TMEM234: variants seen among roughly 807,000 people sequenced by gnomAD.
TMEM234 encodes the protein transmembrane protein 234.
Under a neutral mutation model 17.8 loss-of-function variants are expected in TMEM234, and 21 were observed. The observed-to-expected ratio is 1.18, with a 90% confidence interval of 0.84 to 1.70. TMEM234 has a LOEUF of 1.70. Among genes scored for constraint, TMEM234 ranks in the 40% most tolerant of loss-of-function variants. The pLI, the probability that TMEM234 is intolerant of heterozygous loss-of-function variation, is 0.00. For synonymous variants in TMEM234, 83 were observed against 73.5 expected (o/e 1.13, Z -0.66); for missense variants, 137 against 166.9 (o/e 0.82, Z 0.99).
chr1:32,220,308 C>G (rs890199284), intron 3 of TMEM234, among the ~76,000 whole-genome samples: 1 of 152,202 alleles, frequency 6.6e-6, no homozygotes, highest in Admixed American at 6.5e-5. Flanking sequence ...TCCCAAGTAG[C>G]TGGGACTACA....
chr1:32,221,067 C>A, intron 3 of TMEM234, 64 bp downstream of exon 3: 3 of 1,401,976 alleles, frequency 2.1e-6, no homozygotes, highest in Non-Finnish European at 2.0e-6. Flanking sequence ...CCACCCCGCC[C>A]CCCCCAATCA....
chr1:32,218,208 T>C (rs1264064945), intron 3 of TMEM234, among the ~76,000 whole-genome samples: 1 of 152,172 alleles, frequency 6.6e-6, no homozygotes, highest in African/African-American at 2.4e-5. Context: ...GCGGATCACC[T>C]GAGGTCAGGA....
chr1:32,220,389 C>T (rs1638788334), intron 3 of TMEM234, among the ~76,000 whole-genome samples: 1 of 152,174 alleles, frequency 6.6e-6, no homozygotes. Context: ...GTTGGCCAGA[C>T]TGGTCTCGAA....
intron 2 of TMEM234, among the ~76,000 whole-genome samples, chr1:32,221,649 G>C (rs914075577): frequency 6.6e-6 from 1 of 152,208 alleles, no homozygotes; most frequent in African/African-American, 2.4e-5. Context: ...CTAATGCTAA[G>C]TGCTCTACGT....
At chr1:32,214,865 T>A, downstream of TMEM234, 1 of 1,613,920 alleles carries the variant, frequency 6.2e-7, no homozygotes, top group Non-Finnish European at 8.5e-7. Flanking sequence ...AGCCATCTGC[T>A]TTCTATGCCA....
At position 32,217,613 on chromosome 1, in the gene TMEM234, A is replaced by G. The variant is rs1638522563; in HGVS notation, c.236-262T>C. 4.2e-6 allele frequency: 3 copies of G among 713,296 alleles called. No individual in the cohort carries two copies. In the East Asian group the frequency reaches 9.5e-5, roughly 22 times the overall value. The allele number at this position is 713,296 out of a possible 1,614,324, so 44.2% of individuals were successfully genotyped here. On this transcript the variant is annotated intron_variant, in intron 3 of 4. Coordinates refer to ENST00000309777, the MANE Select transcript of TMEM234 (RefSeq NM_019118.5). ...AATGAGAATGAGGTCTTTGCACTCA[A>G]AGAGAACTCGTGAGATCTCAAGGAC...
At chr1:32,216,147 A>G, downstream of TMEM234, 1 of 703,960 alleles carries the variant, frequency 1.4e-6, no homozygotes, top group Non-Finnish European at 2.3e-6. Flanking sequence ...GGAGTAGCTG[A>G]CTAAGCCTGG....
In TMEM234 at chr1:32,216,381, C is replaced by T; in HGVS notation, c.*472G>A. ...ATTTCCTGCATCTGCCACTCCGACG[C>T]ACCTTCTTCCCTCGGTTCCACCCCT... On this transcript the variant is annotated 3_prime_UTR_variant, in exon 5 of 5. Transcript: ENST00000309777. The T allele has an allele frequency of 1.3e-6, 2 of 1,551,062 alleles. No individual in the cohort carries two copies. Among genetic ancestry groups the T allele is most frequent in the South Asian group, 1.2e-5 (1 of 84,060 alleles).
downstream of TMEM234, chr1:32,215,552 T>C (rs750679988): frequency 1.9e-6 from 3 of 1,611,540 alleles, no homozygotes; most frequent in South Asian, 3.3e-5. Context: ...AGGTAAGCTG[T>C]TGGATCAGGA....
chr1:32,220,139 A>G (rs1177208420), intron 3 of TMEM234, among the ~76,000 whole-genome samples: 1 of 152,230 alleles, frequency 6.6e-6, no homozygotes, highest in Non-Finnish European at 1.5e-5. Context: ...GCATGAGGCC[A>G]GAGGTTTTCA....
At position 32,216,846 on chromosome 1, in the gene TMEM234, G is replaced by A. The variant is rs775996267; in HGVS notation, c.*7C>T. On this transcript the variant is annotated 3_prime_UTR_variant, in exon 5 of 5. Coordinates refer to ENST00000309777, the MANE Select transcript of TMEM234 (RefSeq NM_019118.5). ...AGGCAGCAGAGCTGGAAGTGGGTTC[G>A]GCCCACTCAAAGGGTAGACTGTTGC... The A allele has an allele frequency of 6.8e-6, 11 of 1,614,000 alleles. No individual in the cohort carries two copies. The highest frequency in any genetic ancestry group is 1.7e-4 in the Middle Eastern group (1 of 6,010).
At chr1:32,221,310 A>C in intron 2 of TMEM234, 113 bp from the exon 3 acceptor site, 1 of 781,966 alleles carries the variant, frequency 1.3e-6, no homozygotes, top group Non-Finnish European at 2.2e-6. Context: ...ATAAGGACCC[A>C]GAGAACACTA....
rs774843069 is a variant in TMEM234 at position 32,221,944 on chromosome 1, C to T, written c.91G>A (p.Gly31Ser). The change falls in exon 2 of 5, where the codon GGC becomes AGC. Residue 31 changes from glycine (G) to serine (S), a missense_variant. Coordinates refer to ENST00000309777, the MANE Select transcript of TMEM234 (RefSeq NM_019118.5). ...GTCGGCTCATGAACCCGCTGCAGGCCGGCGGAGGCCCGCTTCAGCAGCGGC... is the reference window on the plus strand; with the variant it reads ...GTCGGCTCATGAACCCGCTGCAGGCTGGCGGAGGCCCGCTTCAGCAGCGGC... ...TQPLLKRASA[G>S]LQRVHEPTWA... 6 of 1,611,966 alleles carry T rather than the reference C, an allele frequency of 3.7e-6. No homozygotes were observed. The South Asian group carries it at 6.6e-5, about 18-fold the overall frequency.
chr1:32,216,959 G>A lies in TMEM234; in HGVS notation c.329-12C>T. On this transcript the variant is annotated splice_polypyrimidine_tract_variant and intron_variant, in intron 4 of 4. Coordinates refer to ENST00000309777, the MANE Select transcript of TMEM234 (RefSeq NM_019118.5). ...GCCAGCAACTGCTCCTGGGATAATA[G>A]GCAGAAATCAGGAGGGTCTGAGCTC... 6.2e-7 allele frequency: 1 copy of A among 1,614,170 alleles called. No homozygotes were observed. The highest frequency in any genetic ancestry group is 2.2e-5 in the East Asian group (1 of 44,892).
intron 3 of TMEM234, among the ~76,000 whole-genome samples, chr1:32,219,007 G>A (rs1438762980): frequency 6.6e-6 from 1 of 152,008 alleles, no homozygotes; most frequent in Non-Finnish European, 1.5e-5. Context: ...AGCTAGTGGG[G>A]AGGCTAAGGA....
rs372576893 is a variant in TMEM234, at chr1:32,221,850, C to T, written c.168+17G>A. On this transcript the variant is annotated intron_variant, in intron 2 of 4. Transcript: ENST00000309777. ...GCGGCAACTCCACCGAGAGAGGGGC[C>T]TTTCACAGAGACGCACCTCAGTATT... is the stretch of plus-strand genomic sequence containing the variant. 55 of 1,612,882 alleles carry T rather than the reference C, an allele frequency of 3.4e-5. No individual in the cohort carries two copies. The Middle Eastern group carries it at 6.6e-4, about 19-fold the overall frequency.
chr1:32,215,575 G>C (rs370546533), downstream of TMEM234: 10 of 1,599,414 alleles, frequency 6.3e-6, no homozygotes, highest in East Asian at 4.5e-5. Flanking sequence ...CAGTATGTTG[G>C]GGTGGGAGGA....
chr1:32,216,213 G>T lies in TMEM234; in HGVS notation c.*640C>A. ...ACTAACCTCTTGTCTGTTTACCATA[G>T]ATTTATTGACAGCTACTACTCGCCA... On this transcript the variant is annotated 3_prime_UTR_variant, in exon 5 of 5. Transcript: ENST00000309777. 9.9e-7 allele frequency: 1 copy of T among 1,014,202 alleles called. No individual in the cohort carries two copies. Among genetic ancestry groups the T allele is most frequent in the Non-Finnish European group, 1.4e-6 (1 of 711,494 alleles). 62.8% of individuals were successfully genotyped at this position (1,014,202 alleles called of 1,614,324 possible).
In TMEM234 at chr1:32,216,376, C is replaced by A; in HGVS notation, c.*477G>T. 1 of 1,550,606 alleles carries A rather than the reference C, an allele frequency of 6.4e-7. No individual in the cohort carries two copies. Among genetic ancestry groups the A allele is most frequent in the Non-Finnish European group, 8.7e-7 (1 of 1,146,436 alleles). ...AGCTCATTTCCTGCATCTGCCACTC[C>A]GACGCACCTTCTTCCCTCGGTTCCA... On this transcript the variant is annotated 3_prime_UTR_variant, in exon 5 of 5. Coordinates refer to ENST00000309777, the MANE Select transcript of TMEM234 (RefSeq NM_019118.5).
Sources: gnomAD v4.1 joint callset for allele counts (sites outside exome capture counted in the v4.1 genomes callset) on GRCh38, gnomAD v4.1.1 for gene constraint, MANE v1.5 for transcripts, NCBI Gene and HGNC (gene_info 2026-07-23, HGNC 2026-07-21) for gene names.